The following YME1L1 variants were observed in gnomAD, a reference collection of about 807,000 sequenced individuals.
The protein encoded by YME1L1 is YME1 like 1 ATPase.
YME1L1 carries 39 observed loss-of-function variants against 90.4 expected under a neutral mutation model. That is an observed-to-expected ratio of 0.43 (90% CI 0.33 to 0.56). YME1L1 has a LOEUF of 0.56. Ranked by LOEUF, YME1L1 falls within the 20% of genes least tolerant of loss-of-function variation. YME1L1 has a pLI of 0.03. For synonymous variants in YME1L1, 284 were observed against 287.3 expected (o/e 0.99, Z 0.12); for missense variants, 617 against 868.4 (o/e 0.71, Z 3.64).
In YME1L1 at chr10:27,111,865, C is replaced by A; in HGVS notation, c.*112G>T. The A allele has an allele frequency of 7.3e-7, 1 of 1,364,122 alleles. No homozygotes were observed. Among genetic ancestry groups the A allele is most frequent in the East Asian group, 2.3e-5 (1 of 43,580 alleles). The allele number at this position is 1,364,122 out of a possible 1,614,324, so 84.5% of individuals were successfully genotyped here. A position where few individuals can be genotyped will look rare whatever the true frequency, so the allele number is the denominator to read the frequency against. ...AAATGATTGACAAAGCATTTCACAC[C>A]CTTCAATTACACCACATCAAGAATG... On this transcript the variant is annotated 3_prime_UTR_variant, in exon 19 of 19. Transcript: ENST00000376016.
intron 4 of YME1L1, among the ~76,000 whole-genome samples, chr10:27,140,858 A>G (rs1392195310): frequency 3.9e-5 from 6 of 152,186 alleles, no homozygotes; most frequent in African/African-American, 1.4e-4. Context: ...ATCTAACCTC[A>G]GAGTTACAAC....
At position 27,128,908 on chromosome 10, in the gene YME1L1, A is replaced by C. The variant is rs150843499; in HGVS notation, c.859-2122T>G. 7.4e-3 allele frequency among the ~76,000 whole-genome samples: 1,126 copies of C among 151,820 alleles called. 9 individuals carry two copies. The highest frequency in any genetic ancestry group is 9.1e-3 in the Non-Finnish European group (616 of 67,950). ...TGGGTGATAGAGCCAGACCCTGTCT[A>C]GAAAGAATAATAAAATTAAATTAAA... On this transcript the variant is annotated intron_variant, in intron 8 of 18. Transcript: ENST00000376016.
chr10:27,131,751 G>T, intron 8 of YME1L1, 108 bp downstream of exon 8: 5 of 758,710 alleles, frequency 6.6e-6, no homozygotes, highest in Non-Finnish European at 1.0e-5. Flanking sequence ...AATACTTTTG[G>T]ACACAATTTT....
intron 1 of YME1L1, among the ~76,000 whole-genome samples, 179 bp from the exon 2 acceptor site, chr10:27,149,219 G>C (rs1392246988): frequency 1.3e-5 from 2 of 152,076 alleles, no homozygotes; most frequent in Non-Finnish European, 2.9e-5. Flanking sequence ...GTTCTTTCAG[G>C]ATATTATTCT....
chr10:27,134,716 AT>A (rs2057009262), intron 6 of YME1L1, 114 bp downstream of exon 6: 1 of 1,050,546 alleles, frequency 9.5e-7, no homozygotes, highest in Non-Finnish European at 1.4e-6. Context: ...AGTTACAAAT[AT>A]AGTGGAATTT....
At chr10:27,129,922 C>A (rs2056960339) in intron 8 of YME1L1, among the ~76,000 whole-genome samples, 1 of 152,186 alleles carries the variant, frequency 6.6e-6, no homozygotes, top group South Asian at 2.1e-4. Context: ...TCAATTTCCA[C>A]AACCCCCCAC....
chr10:27,136,924 A>G (rs952495982), intron 4 of YME1L1, among the ~76,000 whole-genome samples: 3 of 150,852 alleles, frequency 2.0e-5, no homozygotes, highest in African/African-American at 2.4e-5. Context: ...CGCCTGGCCT[A>G]TTTTTTATGT....
chr10:27,133,856 T>G (rs2056999975), intron 7 of YME1L1, among the ~76,000 whole-genome samples, 183 bp downstream of exon 7: 1 of 152,156 alleles, frequency 6.6e-6, no homozygotes, highest in Non-Finnish European at 1.5e-5. Flanking sequence ...TTTTTAAATT[T>G]TATAATTGGA....
chr10:27,117,019 G>GA (rs1316759556), intron 15 of YME1L1, among the ~76,000 whole-genome samples: 1 of 152,148 alleles, frequency 6.6e-6, no homozygotes, highest in African/African-American at 2.4e-5. Context: ...CCATGTTGCT[G>GA]AAAGCTGGTC....
intron 7 of YME1L1, among the ~76,000 whole-genome samples, chr10:27,132,687 C>T (rs1438820533): frequency 1.3e-5 from 2 of 151,802 alleles, no homozygotes; most frequent in African/African-American, 2.4e-5. Flanking sequence ...GGCATGGTGG[C>T]GCAAGCCTGT....
intron 4 of YME1L1, among the ~76,000 whole-genome samples, chr10:27,139,370 C>T (rs1273524443): frequency 6.6e-6 from 1 of 151,932 alleles, no homozygotes; most frequent in African/African-American, 2.4e-5. Context: ...ATTTTTGTTG[C>T]TGTTGTTGAG....
chr10:27,118,799 G>T (rs73598022), intron 14 of YME1L1, among the ~76,000 whole-genome samples: 8,508 of 152,222 alleles, frequency 0.056, 256 homozygotes, highest in African/African-American at 0.083. Flanking sequence ...ATTAAGCACA[G>T]AATAAAGTAT....
intron 15 of YME1L1, 27 bp from the exon 16 acceptor site, chr10:27,116,372 A>C (rs753188540): frequency 2.5e-6 from 4 of 1,610,714 alleles, no homozygotes; most frequent in African/African-American, 2.7e-5. Context: ...TAATCAGATA[A>C]AAAATAAGCA....
chr10:27,128,669 C>T (rs2056944895), intron 8 of YME1L1, among the ~76,000 whole-genome samples: 2 of 151,936 alleles, frequency 1.3e-5, no homozygotes, highest in Non-Finnish European at 2.9e-5. Context: ...CTTTGGGAGG[C>T]AAAGATGGGT....
chr10:27,153,999 TG>T (rs1454658886), intron 1 of YME1L1, among the ~76,000 whole-genome samples, 178 bp downstream of exon 1: 2 of 152,220 alleles, frequency 1.3e-5, no homozygotes, highest in Admixed American at 1.3e-4. Flanking sequence ...TCGTCAGCAC[TG>T]AAGTCTCCGG....
Position 27,131,893 on chromosome 10 carries a change from T to C in YME1L1, c.824A>G (p.Gln275Arg). The C allele has an allele frequency of 1.2e-6, 2 of 1,612,630 alleles. No homozygotes were observed. The highest frequency in any genetic ancestry group is 1.7e-6 in the Non-Finnish European group (2 of 1,179,628). The change falls in exon 8 of 19, where the codon CAG (glutamine) becomes CGG (arginine). Residue 275 changes from glutamine to arginine, a missense_variant. Physicochemically the swap from Gln to Arg is conservative, Grantham distance 43 (BLOSUM62 1). Transcript: ENST00000376016. The part of the protein sequence containing the change: ...TGLDSAVDPV[Q>R]MKNVTFEHVK... ...ATGTTCAAAGGTGACATTTTTCATC[T>C]GGACAGGATCTACTGCAGAATCAAG...
At chr10:27,132,083 T>C (rs554387240) in intron 7 of YME1L1, 142 bp from the exon 8 acceptor site, 97 of 620,594 alleles carry the variant, frequency 1.6e-4, no homozygotes, top group African/African-American at 1.2e-3. Context: ...GAGTGAGGAA[T>C]AGAAACTAGG....
intron 1 of YME1L1, among the ~76,000 whole-genome samples, chr10:27,152,684 CA>C (rs1226635862): frequency 1.3e-5 from 2 of 152,138 alleles, no homozygotes; most frequent in Non-Finnish European, 2.9e-5. Flanking sequence ...ATAGCACCTT[CA>C]ATGCATTCAT....
intron 10 of YME1L1, 63 bp downstream of exon 10, chr10:27,123,484 G>A (rs762147696): frequency 6.6e-7 from 1 of 1,526,456 alleles, no homozygotes. Flanking sequence ...AGCAAAGAAA[G>A]GGTAAGATAC....
Sources: gnomAD v4.1 joint callset for allele counts (sites outside exome capture counted in the v4.1 genomes callset) on GRCh38, gnomAD v4.1.1 for gene constraint, MANE v1.5 for transcripts, NCBI Gene and HGNC (gene_info 2026-07-23, HGNC 2026-07-21) for gene names.